Variants in NOS1AP observed in about 807,000 individuals in gnomAD.
NOS1AP encodes the protein carboxyl-terminal PDZ ligand of neuronal nitric oxide synthase protein.
NOS1AP carries 21 observed loss-of-function variants against 56.2 expected under a neutral mutation model. The observed-to-expected ratio is 0.37, with a 90% CI of 0.26 to 0.54. The LOEUF (loss-of-function observed/expected upper bound fraction) is 0.54, where lower values mean the gene tolerates loss of function less well. Ranked by LOEUF, NOS1AP falls within the 20% of genes least tolerant of loss-of-function variation. The pLI is 0.84. For synonymous variants in NOS1AP, 270 were observed against 274.6 expected, an observed-to-expected ratio of 0.98 and a Z score of 0.17; for missense variants, 522 against 657.8, an observed-to-expected ratio of 0.79 and a Z score of 2.26.
At chr1:162,157,960 A>G (rs1359453524) in intron 2 of NOS1AP, among the ~76,000 whole-genome samples, 1 of 151,792 alleles carries the variant, frequency 6.6e-6, no homozygotes, top group African/African-American at 2.4e-5. Context: ...ATCTGTCTTG[A>G]GCGTATTTTG....
intron 2 of NOS1AP, among the ~76,000 whole-genome samples, chr1:162,211,355 T>A (rs12027785): frequency 0.27 from 40,710 of 151,988 alleles, 5,679 homozygotes; most frequent in East Asian, 0.39. Context: ...CATTCCTTAG[T>A]GCATGTATGA....
intron 2 of NOS1AP, among the ~76,000 whole-genome samples, chr1:162,155,623 T>G (rs988567774): frequency 6.6e-6 from 1 of 152,144 alleles, no homozygotes; most frequent in Admixed American, 6.5e-5. Flanking sequence ...ACATTCTCGC[T>G]GGTATACATG....
At chr1:162,361,326 G>A (rs1657898121) in intron 8 of NOS1AP, among the ~76,000 whole-genome samples, 1 of 152,170 alleles carries the variant, frequency 6.6e-6, no homozygotes, top group African/African-American at 2.4e-5. Flanking sequence ...CTCTGCCCCT[G>A]TTGTATGAAT....
At chr1:162,084,703 G>A (rs1691965728) in intron 1 of NOS1AP, among the ~76,000 whole-genome samples, 1 of 152,018 alleles carries the variant, frequency 6.6e-6, no homozygotes, top group Non-Finnish European at 1.5e-5. Flanking sequence ...TTTTGAGACA[G>A]GGTCTCACCC....
chr1:162,128,766 AT>A lies in NOS1AP; in HGVS notation c.106-25638del, dbSNP rs34547607. On this transcript the variant is annotated intron_variant, in intron 1 of 9. Transcript: ENST00000361897. The stretch of plus-strand genomic sequence containing the variant: ...GAATTCTACAAACAGGGAAAAAAAA[AT>A]CTGTTTCACATCCCACCCCCTGCTT... Among the ~76,000 whole-genome samples, 5 of 152,232 alleles carry A rather than the reference AT, an allele frequency of 3.3e-5. No homozygotes were observed. The South Asian group carries it at 1.0e-3, about 32-fold the overall frequency.
chr1:162,314,871 G>A (rs1656180723), intron 4 of NOS1AP, among the ~76,000 whole-genome samples: 2 of 152,192 alleles, frequency 1.3e-5, no homozygotes, highest in Admixed American at 1.3e-4. Context: ...AGCTGGGAAG[G>A]TTTAGCATTG....
At chr1:162,098,896 C>A (rs1336421858) in intron 1 of NOS1AP, among the ~76,000 whole-genome samples, 1 of 152,168 alleles carries the variant, frequency 6.6e-6, no homozygotes, top group Non-Finnish European at 1.5e-5. Flanking sequence ...ACCACATTTT[C>A]TTTATCCAGT....
rs1405951886 is a variant in NOS1AP, at chr1:162,130,124, C to T, written c.106-24281C>T. ...CATTGAGCTTCTGTTCAATGTATGG[C>T]ATTACAGACATTGTATATATGTACA... is the stretch of plus-strand genomic sequence containing the variant. On this transcript the variant is annotated intron_variant, in intron 1 of 9. Coordinates refer to ENST00000361897, the MANE Select transcript of NOS1AP (RefSeq NM_014697.3). Among the ~76,000 whole-genome samples, 3 of 152,308 alleles carry T rather than the reference C, an allele frequency of 2.0e-5. No individual in the cohort carries two copies. The East Asian group carries it at 5.8e-4, about 29-fold the overall frequency.
At chr1:162,088,121 C>G (rs1692044575) in intron 1 of NOS1AP, among the ~76,000 whole-genome samples, 2 of 152,058 alleles carry the variant, frequency 1.3e-5, no homozygotes, top group Admixed American at 1.3e-4. Context: ...TCTTGGATTT[C>G]TGTAGAAATT....
At chr1:162,098,672 C>T (rs1283338850) in intron 1 of NOS1AP, among the ~76,000 whole-genome samples, 4 of 152,178 alleles carry the variant, frequency 2.6e-5, no homozygotes, top group African/African-American at 9.7e-5. Flanking sequence ...CTCCCCCCAA[C>T]TCCTGATAGA....
chr1:162,213,131 G>A (rs1231060066), intron 2 of NOS1AP, among the ~76,000 whole-genome samples: 1 of 152,162 alleles, frequency 6.6e-6, no homozygotes, highest in African/African-American at 2.4e-5. Context: ...TCTAGATACA[G>A]TTAGGGAGTC....
At chr1:162,126,030 T>A (rs150606815) in intron 1 of NOS1AP, among the ~76,000 whole-genome samples, 12 of 152,320 alleles carry the variant, frequency 7.9e-5, no homozygotes, top group African/African-American at 2.9e-4. Context: ...TTTTATTTTA[T>A]TTTTGCATTT....
Position 162,355,174 on chromosome 1 carries a change from G to C in NOS1AP, c.596-13G>C. ...TTTCATTCTCTTCCCTCCCTCCCCT[G>C]TTGTTCCTGCAGGCCGCCAGCTCAC... is the stretch of plus-strand genomic sequence containing the variant. On this transcript the variant is annotated splice_polypyrimidine_tract_variant and intron_variant, in intron 6 of 9. Coordinates refer to ENST00000361897, the MANE Select transcript of NOS1AP (RefSeq NM_014697.3). The C allele has an allele frequency of 1.2e-6, 2 of 1,613,988 alleles. No individual in the cohort carries two copies. The highest frequency in any genetic ancestry group is 1.7e-6 in the Non-Finnish European group (2 of 1,180,012).
chr1:162,357,731 T>C (rs1229218925), intron 8 of NOS1AP, among the ~76,000 whole-genome samples: 2 of 152,012 alleles, frequency 1.3e-5, no homozygotes, highest in East Asian at 1.9e-4. Flanking sequence ...ATGAAAAGAA[T>C]TGGCTTAGAT....
chr1:162,358,527 G>A (rs987011518), intron 8 of NOS1AP, among the ~76,000 whole-genome samples: 1 of 152,108 alleles, frequency 6.6e-6, no homozygotes, highest in Non-Finnish European at 1.5e-5. Context: ...AACAGAGAGG[G>A]GGAATGTCAT....
intron 2 of NOS1AP, among the ~76,000 whole-genome samples, chr1:162,261,507 A>AAGAGAG (rs1553200072): frequency 1.6e-4 from 3 of 18,420 alleles, no homozygotes; most frequent in African/African-American, 5.3e-4. Context: ...AGAGAGAGAG[A>AAGAGAG]GAGAGAGAGA....
intron 4 of NOS1AP, among the ~76,000 whole-genome samples, chr1:162,330,174 C>G (rs549769744): frequency 6.6e-6 from 1 of 152,170 alleles, no homozygotes; most frequent in Non-Finnish European, 1.5e-5. Flanking sequence ...AGAAGTTTTA[C>G]GTATGATGCT....
chr1:162,321,949 G>A (rs553463700), intron 4 of NOS1AP, among the ~76,000 whole-genome samples: 9 of 152,154 alleles, frequency 5.9e-5, no homozygotes, highest in Non-Finnish European at 7.4e-5. Context: ...AAAAGTTCCC[G>A]TTGGTGCTGC....
intron 1 of NOS1AP, among the ~76,000 whole-genome samples, chr1:162,105,904 G>T (rs1647486223): frequency 6.6e-6 from 1 of 152,228 alleles, no homozygotes; most frequent in Non-Finnish European, 1.5e-5. Flanking sequence ...GTGGTGCTGT[G>T]AAAGTGGGGC....
Sources: allele counts gnomAD v4.1 joint callset (sites outside exome capture counted in the v4.1 genomes callset), GRCh38; gene constraint gnomAD v4.1.1; transcripts MANE v1.5; gene names NCBI Gene and HGNC (gene_info 2026-07-23, HGNC 2026-07-21).